Variants in IPCEF1 observed in about 807,000 individuals in gnomAD.
IPCEF1 encodes interactor protein for cytohesin exchange factors 1.
In IPCEF1, 31 loss-of-function variants were observed where a neutral mutation model predicts 50.9. The observed-to-expected ratio is 0.61, with a 90% CI of 0.46 to 0.82. IPCEF1 has a LOEUF of 0.82. Among genes scored for constraint, IPCEF1 ranks in the 40% least tolerant of loss-of-function variants. The pLI, the probability that IPCEF1 is intolerant of heterozygous loss-of-function variation, is 0.00. For missense variants in IPCEF1, 458 were observed against 514.0 expected (o/e 0.89, Z 1.05); for synonymous variants, 181 against 192.0 (o/e 0.94, Z 0.47).
chr6:154,162,487 T>C (rs1246300685), intron 11 of IPCEF1, among the ~76,000 whole-genome samples: 1 of 152,170 alleles, frequency 6.6e-6, no homozygotes, highest in Non-Finnish European at 1.5e-5. Context: ...AAACCAATGA[T>C]CCATCTTCAA....
At chr6:154,231,508 T>C (rs983929354) in intron 5 of IPCEF1, among the ~76,000 whole-genome samples, 2 of 152,360 alleles carry the variant, frequency 1.3e-5, no homozygotes, top group African/African-American at 2.4e-5. Context: ...CAGGTGACAG[T>C]TGAATACACT....
At chr6:154,193,567 A>G (rs1802121959) in intron 10 of IPCEF1, among the ~76,000 whole-genome samples, 1 of 152,256 alleles carries the variant, frequency 6.6e-6, no homozygotes, top group Non-Finnish European at 1.5e-5. Flanking sequence ...CCTGCTAAGG[A>G]GTAAATAATA....
chr6:154,279,088 G>T (rs907236847), intron 2 of IPCEF1, among the ~76,000 whole-genome samples: 1 of 148,976 alleles, frequency 6.7e-6, no homozygotes, highest in African/African-American at 2.5e-5. Flanking sequence ...TCGTGCCACC[G>T]CAAAAAAATC....
intron 1 of IPCEF1, among the ~76,000 whole-genome samples, chr6:154,329,547 C>T (rs546666853): frequency 1.1e-3 from 169 of 151,178 alleles, no homozygotes; most frequent in African/African-American, 2.4e-3. Context: ...GCCATGACCG[C>T]GCCACTGCCC....
intron 1 of IPCEF1, among the ~76,000 whole-genome samples, chr6:154,327,371 A>G (rs1489585705): frequency 6.6e-6 from 1 of 152,230 alleles, no homozygotes; most frequent in Non-Finnish European, 1.5e-5. Context: ...ATTTACAAGA[A>G]AAAAACAAAC....
At chr6:154,256,948 G>T (rs1781476901) in intron 3 of IPCEF1, among the ~76,000 whole-genome samples, 1 of 152,120 alleles carries the variant, frequency 6.6e-6, no homozygotes, top group Admixed American at 6.5e-5. Flanking sequence ...CCCGGTGGTG[G>T]GCTAATTTAA....
chr6:154,341,686 G>A (rs776105303), intron 1 of IPCEF1, among the ~76,000 whole-genome samples: 10 of 152,056 alleles, frequency 6.6e-5, no homozygotes, highest in Admixed American at 2.6e-4. Context: ...GGTTCAATGC[G>A]TAAGGAAAGA....
chr6:154,262,146 T>TA (rs752500396), intron 3 of IPCEF1, among the ~76,000 whole-genome samples: 2 of 152,156 alleles, frequency 1.3e-5, no homozygotes, highest in Non-Finnish European at 2.9e-5. Flanking sequence ...GGCTGTGAGA[T>TA]AAAAATAACG....
intron 2 of IPCEF1, among the ~76,000 whole-genome samples, chr6:154,280,060 C>A (rs1583939554): frequency 6.6e-6 from 1 of 152,138 alleles, no homozygotes; most frequent in Non-Finnish European, 1.5e-5. Flanking sequence ...CAATGCCAAG[C>A]GTTGGCAAGA....
intron 2 of IPCEF1, among the ~76,000 whole-genome samples, chr6:154,277,530 A>G (rs1782092885): frequency 6.6e-6 from 1 of 152,220 alleles, no homozygotes; most frequent in Non-Finnish European, 1.5e-5. Context: ...CATTCTTTCA[A>G]TTTCAATAGC....
At chr6:154,231,605 G>A (rs1028532069) in intron 5 of IPCEF1, among the ~76,000 whole-genome samples, 1 of 152,214 alleles carries the variant, frequency 6.6e-6, no homozygotes, top group Non-Finnish European at 1.5e-5. Context: ...AAAAAGTAAG[G>A]TGCAGTACTA....
chr6:154,347,357 C>T (rs914140662), intron 1 of IPCEF1, among the ~76,000 whole-genome samples: 1 of 152,156 alleles, frequency 6.6e-6, no homozygotes, highest in African/African-American at 2.4e-5. Context: ...TTCTGGGTGA[C>T]CTTGAGCCAG....
At position 154,180,414 on chromosome 6, in the gene IPCEF1, A is replaced by ATATATTTTT. The variant is rs1241250621; in HGVS notation, c.911-12302_911-12301insAAAAATATA. Among the ~76,000 whole-genome samples the ATATATTTTT allele has an allele frequency of 5.3e-3, 345 of 65,106 alleles. 2 individuals carry two copies. Among genetic ancestry groups the ATATATTTTT allele is most frequent in the African/African-American group, 0.015 (311 of 20,704 alleles). 42.7% of individuals were successfully genotyped at this position (65,106 alleles called of 152,430 possible). On this transcript the variant is annotated intron_variant, in intron 10 of 11. Coordinates refer to ENST00000367220, the MANE Select transcript of IPCEF1 (RefSeq NM_001130700.2). Reference sequence around the variant, plus strand: ...TATATATATATATATATATATATATATTTTTTTTTTAAACATGATCCTTCT... The same window carrying ATATATTTTT: ...TATATATATATATATATATATATATATATATTTTTTTTTTTTTTTAAACATGATCCTTCT...
intron 2 of IPCEF1, among the ~76,000 whole-genome samples, chr6:154,277,317 GTTAAA>G (rs896892579): frequency 1.3e-5 from 2 of 152,194 alleles, no homozygotes; most frequent in Non-Finnish European, 2.9e-5. Flanking sequence ...AGGAAGAACT[GTTAAA>G]TTAAAGTCAT....
chr6:154,195,143 C>CTTTTTTT (rs1162086187), intron 10 of IPCEF1, among the ~76,000 whole-genome samples: 9 of 133,486 alleles, frequency 6.7e-5, no homozygotes, highest in African/African-American at 2.4e-4. Flanking sequence ...TTTTTCTTTT[C>CTTTTTTT]TTTCTTTTTT....
At chr6:154,324,258 TA>T in intron 1 of IPCEF1, among the ~76,000 whole-genome samples, 1 of 152,264 alleles carries the variant, frequency 6.6e-6, no homozygotes, top group East Asian at 1.9e-4. Flanking sequence ...GTGAATCAAA[TA>T]TTTGGATATA....
intron 9 of IPCEF1, among the ~76,000 whole-genome samples, chr6:154,209,205 A>T (rs1027599169): frequency 6.6e-6 from 1 of 152,196 alleles, no homozygotes; most frequent in Non-Finnish European, 1.5e-5. Context: ...TATACTGTTG[A>T]GTTCATTATC....
intron 2 of IPCEF1, among the ~76,000 whole-genome samples, chr6:154,285,993 C>T (rs1782350574): frequency 6.6e-6 from 1 of 152,192 alleles, no homozygotes; most frequent in Non-Finnish European, 1.5e-5. Flanking sequence ...CATAAAACTT[C>T]ACAATATTTA....
intron 5 of IPCEF1, among the ~76,000 whole-genome samples, chr6:154,244,305 T>G (rs1041642793): frequency 3.4e-5 from 5 of 146,012 alleles, no homozygotes; most frequent in African/African-American, 7.8e-5. Context: ...TGGGTGGGTG[T>G]GTGTGTGTGT....
Sources: allele counts gnomAD v4.1 joint callset (sites outside exome capture counted in the v4.1 genomes callset), GRCh38; gene constraint gnomAD v4.1.1; transcripts MANE v1.5; gene names NCBI Gene and HGNC (gene_info 2026-07-23, HGNC 2026-07-21).